Variants in PRKN observed in about 807,000 individuals in gnomAD.
PRKN encodes the protein parkin RBR E3 ubiquitin protein ligase, also known as E3 ubiquitin-protein ligase parkin.
In PRKN, 56 loss-of-function variants were observed where a neutral mutation model predicts 59.5. The observed-to-expected ratio is 0.94, with a 90% confidence interval of 0.76 to 1.18. The LOEUF is 1.18. PRKN is among the 50% of genes most tolerant of loss of function. PRKN has a pLI of 0.00. For missense variants in PRKN, 657 were observed against 596.4 expected (o/e 1.10, Z -1.06); for synonymous variants, 250 against 222.1 (o/e 1.13, Z -1.12).
chr6:162,566,315 G>T (rs113507605), intron 1 of PRKN, among the ~76,000 whole-genome samples: 1 of 92,416 alleles, frequency 1.1e-5, no homozygotes, highest in Non-Finnish European at 2.0e-5. Flanking sequence ...AAATTGAAAT[G>T]AAAAAAATAC....
At chr6:161,650,617 C>T (rs1307657527) in intron 7 of PRKN, among the ~76,000 whole-genome samples, 1 of 152,184 alleles carries the variant, frequency 6.6e-6, no homozygotes, top group Non-Finnish European at 1.5e-5. Flanking sequence ...TAAACATCCA[C>T]ATCACTTTAC....
chr6:161,382,593 G>A (rs779991014), intron 10 of PRKN, among the ~76,000 whole-genome samples: 1 of 152,152 alleles, frequency 6.6e-6, no homozygotes, highest in Admixed American at 6.5e-5. Flanking sequence ...GGGGCAATAC[G>A]CGGAAGGAAC....
chr6:162,334,387 C>T (rs948194158), intron 2 of PRKN, among the ~76,000 whole-genome samples: 1 of 152,136 alleles, frequency 6.6e-6, no homozygotes, highest in Non-Finnish European at 1.5e-5. Context: ...GGTTTAAAGC[C>T]AATGCTCATT....
At position 162,579,322 on chromosome 6, in the gene PRKN, A is replaced by G. The variant is rs73035019; in HGVS notation, c.8-135849T>C. Reference sequence around the variant, plus strand: ...AGACCCAATACTCCTTCAAGACCCAATCTAATCACCTTATCTCTAGAGACT... The same window carrying G: ...AGACCCAATACTCCTTCAAGACCCAGTCTAATCACCTTATCTCTAGAGACT... On this transcript the variant is annotated intron_variant, in intron 1 of 11. Transcript: ENST00000366898. Among the ~76,000 whole-genome samples, 751 of 152,146 alleles carry G rather than the reference A, an allele frequency of 4.9e-3. 3 individuals are homozygous for G. The highest frequency in any genetic ancestry group is 0.017 in the Middle Eastern group (5 of 294).
At chr6:162,531,483 C>A (rs1336569649) in intron 1 of PRKN, among the ~76,000 whole-genome samples, 1 of 152,062 alleles carries the variant, frequency 6.6e-6, no homozygotes, top group Non-Finnish European at 1.5e-5. Flanking sequence ...TGGGGGGAAG[C>A]CAGTGAGCCA....
At chr6:162,338,962 G>A (rs1190556280) in intron 2 of PRKN, among the ~76,000 whole-genome samples, 2 of 151,320 alleles carry the variant, frequency 1.3e-5, no homozygotes, top group African/African-American at 4.9e-5. Context: ...TGGGAGGTGA[G>A]GAGCGTCTCT....
rs574167049 is a variant in PRKN, at chr6:161,406,735, C to A, written c.1084-19858G>T. On this transcript the variant is annotated intron_variant, in intron 9 of 11. Coordinates refer to ENST00000366898, the MANE Select transcript of PRKN (RefSeq NM_004562.3). The stretch of plus-strand genomic sequence containing the variant: ...CTCTTTGTGTTCAGTGATGAGCAAG[C>A]ATTTCAAATGTACATACAACTTGTT... 1.2e-4 allele frequency among the ~76,000 whole-genome samples: 19 copies of A among 152,256 alleles called. 1 individual carries two copies. Among genetic ancestry groups the A allele is most frequent in the Middle Eastern group, 3.4e-3 (1 of 294 alleles).
intron 2 of PRKN, among the ~76,000 whole-genome samples, chr6:162,314,998 T>C (rs1459562960): frequency 1.3e-5 from 2 of 152,158 alleles, no homozygotes; most frequent in African/African-American, 2.4e-5. Context: ...TTTCATGTGG[T>C]AATATTTCAA....
chr6:161,811,060 T>C (rs921371672), intron 6 of PRKN, among the ~76,000 whole-genome samples: 1 of 152,162 alleles, frequency 6.6e-6, no homozygotes, highest in African/African-American at 2.4e-5. Flanking sequence ...TTTTGAAATA[T>C]CATCAAAGTT....
intron 1 of PRKN, among the ~76,000 whole-genome samples, chr6:162,666,330 G>T (rs541753109): frequency 6.6e-6 from 1 of 151,990 alleles, no homozygotes; most frequent in Non-Finnish European, 1.5e-5. Context: ...CACTGATCTG[G>T]GGAAAATAAG....
intron 1 of PRKN, among the ~76,000 whole-genome samples, chr6:162,581,833 A>G (rs2128211481): frequency 6.6e-6 from 1 of 152,300 alleles, no homozygotes; most frequent in Middle Eastern, 3.4e-3. Flanking sequence ...TAAATTACTT[A>G]ACTGAACTAT....
chr6:162,445,325 A>G (rs1790256597), intron 1 of PRKN, among the ~76,000 whole-genome samples: 1 of 152,104 alleles, frequency 6.6e-6, no homozygotes, highest in Non-Finnish European at 1.5e-5. Context: ...TGGGTTTCAA[A>G]TTTATTTCAA....
intron 6 of PRKN, among the ~76,000 whole-genome samples, chr6:161,831,695 T>C (rs1181614469): frequency 6.6e-6 from 1 of 152,230 alleles, no homozygotes; most frequent in Non-Finnish European, 1.5e-5. Flanking sequence ...GAATGAAATG[T>C]AATCTGGGTG....
At chr6:162,463,665 C>A (rs1019334678) in intron 1 of PRKN, among the ~76,000 whole-genome samples, 1 of 152,172 alleles carries the variant, frequency 6.6e-6, no homozygotes, top group Non-Finnish European at 1.5e-5. Context: ...AAGTAATAAA[C>A]TATCCAGCTC....
rs1790305630 is a variant in PRKN, at chr6:161,463,342, A to T, written c.1084-76465T>A. ...ACGACTGTTTGGTTCTACCTGGCTT[A>T]TCCTTACTGATCCTGCCTAACTGGC... On this transcript the variant is annotated intron_variant, in intron 9 of 11. Transcript: ENST00000366898. This position sits in a 1 kb window ranked among gnomAD's most constrained non-coding sequence, Gnocchi z 4.8. Among the ~76,000 whole-genome samples the T allele has an allele frequency of 6.6e-6, 1 of 152,194 alleles. No individual in the cohort carries two copies. Among genetic ancestry groups the T allele is most frequent in the Admixed American group, 6.5e-5 (1 of 15,278 alleles).
chr6:161,733,809 T>TAC (rs1787847570), intron 7 of PRKN, among the ~76,000 whole-genome samples: 1 of 141,748 alleles, frequency 7.1e-6, no homozygotes, highest in African/African-American at 2.7e-5. Context: ...TATATATATA[T>TAC]ATATATATAT....
At chr6:162,225,847 C>T (rs1292531313) in intron 3 of PRKN, among the ~76,000 whole-genome samples, 1 of 151,008 alleles carries the variant, frequency 6.6e-6, no homozygotes, top group African/African-American at 2.4e-5. Context: ...CTAATGTAAA[C>T]TGCTGGCTAC....
At chr6:162,478,458 G>A (rs539867036) in intron 1 of PRKN, among the ~76,000 whole-genome samples, 2 of 152,266 alleles carry the variant, frequency 1.3e-5, no homozygotes, top group East Asian at 1.9e-4. Flanking sequence ...CACAGAGCTT[G>A]CAATGGTGAG....
intron 1 of PRKN, among the ~76,000 whole-genome samples, chr6:162,576,810 C>CAA (rs573857313): frequency 0.03 from 2,794 of 91,994 alleles, 122 homozygotes; most frequent in African/African-American, 0.093. Flanking sequence ...GAGACTCCGT[C>CAA]AAAAAAAAAA....
Sources: gnomAD v4.1 joint callset for allele counts (sites outside exome capture counted in the v4.1 genomes callset) on GRCh38, gnomAD v4.1.1 for gene constraint, Gnocchi (gnomAD v3.1) non-coding constraint, MANE v1.5 for transcripts, NCBI Gene and HGNC (gene_info 2026-07-23, HGNC 2026-07-21) for gene names.